The following LDLRAP1 variants were observed in gnomAD, a reference collection of about 807,000 sequenced individuals.
The protein encoded by LDLRAP1 is low density lipoprotein receptor adapter protein 1.
In LDLRAP1, 30 loss-of-function variants were observed where a neutral mutation model predicts 37.8. That is an observed-to-expected ratio of 0.79 (90% confidence interval 0.59 to 1.08). The LOEUF (loss-of-function observed/expected upper bound fraction) is 1.08. Among genes scored for constraint, LDLRAP1 ranks in the 50% least tolerant of loss-of-function variants. The pLI is 0.00. For synonymous variants in LDLRAP1, 156 were observed against 169.8 expected, an observed-to-expected ratio of 0.92 and a Z score of 0.63; for missense variants, 375 against 401.6, an observed-to-expected ratio of 0.93 and a Z score of 0.57.
the LDLRAP1 span, among the ~76,000 whole-genome samples, chr1:25,584,426 A>G: frequency 9.3e-5 from 14 of 150,254 alleles, no homozygotes; most frequent in African/African-American, 3.4e-4. Flanking sequence ...AGCACCTTCC[A>G]CCCTGCCATT....
At chr1:25,557,505 A>C (rs2044235835) in intron 4 of LDLRAP1, 2 of 580,272 alleles carry the variant, frequency 3.4e-6, no homozygotes. Context: ...CCATGTCCCC[A>C]GTGTGTGTCT....
intron 8 of LDLRAP1, among the ~76,000 whole-genome samples, chr1:25,566,364 T>G (rs1438841965): frequency 6.6e-6 from 1 of 152,262 alleles, no homozygotes; most frequent in East Asian, 1.9e-4. Flanking sequence ...TTCCATTGAC[T>G]GCCTAACATT....
chr1:25,570,343 G>A (rs1410052976), downstream of LDLRAP1, among the ~76,000 whole-genome samples: 2 of 152,360 alleles, frequency 1.3e-5, no homozygotes, highest in Middle Eastern at 3.4e-3. Context: ...AAGCCAGGGA[G>A]AACAAAGTCG....
At chr1:25,579,239 C>T in the LDLRAP1 span, among the ~76,000 whole-genome samples, 1 of 152,214 alleles carries the variant, frequency 6.6e-6, no homozygotes, top group Non-Finnish European at 1.5e-5. Context: ...ATGAGGCCAG[C>T]CCTGAGAACA....
intron 7 of LDLRAP1, 186 bp downstream of exon 7, chr1:25,563,977 A>G (rs2124693757): frequency 1.4e-6 from 1 of 726,026 alleles, no homozygotes; most frequent in Non-Finnish European, 2.3e-6. Flanking sequence ...CTGAGGCTGC[A>G]TCCCCAACAG....
At chr1:25,589,275 GC>G in the LDLRAP1 span, among the ~76,000 whole-genome samples, 1 of 141,088 alleles carries the variant, frequency 7.1e-6, no homozygotes, top group African/African-American at 2.8e-5. Flanking sequence ...CTGCACTCCA[GC>G]CCAGGCAACA....
At chr1:25,574,363 C>G in the LDLRAP1 span, among the ~76,000 whole-genome samples, 70 of 152,322 alleles carry the variant, frequency 4.6e-4, no homozygotes, top group African/African-American at 1.7e-3. Context: ...GACTGAGGCT[C>G]TAGGATACTG....
chr1:25,589,873 C>G, the LDLRAP1 span, among the ~76,000 whole-genome samples: 15 of 152,300 alleles, frequency 9.8e-5, no homozygotes, highest in Admixed American at 3.3e-4. Flanking sequence ...GAGGCCGAGG[C>G]GAGCGGATCA....
At chr1:25,561,869 G>A (rs892414840) in intron 4 of LDLRAP1, among the ~76,000 whole-genome samples, 42 of 152,178 alleles carry the variant, frequency 2.8e-4, no homozygotes, top group Admixed American at 4.6e-4. Context: ...ACAGGCAGGG[G>A]AGCCAGTGAC....
chr1:25,580,077 G>T, the LDLRAP1 span, among the ~76,000 whole-genome samples: 2 of 152,222 alleles, frequency 1.3e-5, no homozygotes, highest in Non-Finnish European at 2.9e-5. Context: ...GAGAACAGCT[G>T]TCGAGGGAGG....
chr1:25,571,920 G>A (rs1485792683), downstream of LDLRAP1, among the ~76,000 whole-genome samples: 2 of 152,226 alleles, frequency 1.3e-5, no homozygotes, highest in Non-Finnish European at 2.9e-5. Flanking sequence ...CTGAGGCACA[G>A]CTGCTCTTGA....
At chr1:25,583,143 T>C in the LDLRAP1 span, among the ~76,000 whole-genome samples, 6 of 151,882 alleles carry the variant, frequency 4.0e-5, no homozygotes, top group East Asian at 1.2e-3. Context: ...TATAATTATC[T>C]TTGCTCCTCT....
At chr1:25,577,145 C>T in the LDLRAP1 span, among the ~76,000 whole-genome samples, 3 of 152,210 alleles carry the variant, frequency 2.0e-5, no homozygotes, top group South Asian at 6.2e-4. Context: ...GTCCTGAACG[C>T]TGCTTTATTG....
the LDLRAP1 span, among the ~76,000 whole-genome samples, chr1:25,575,423 T>TAAAAAAAAAAA: frequency 4.6e-5 from 5 of 108,750 alleles, no homozygotes; most frequent in African/African-American, 1.1e-4. Flanking sequence ...CTGTCTCTAC[T>TAAAAAAAAAAA]AAAAAAAAAA....
At chr1:25,572,995 C>T (rs951221066), downstream of LDLRAP1, among the ~76,000 whole-genome samples, 4 of 151,638 alleles carry the variant, frequency 2.6e-5, no homozygotes, top group Non-Finnish European at 4.4e-5. Flanking sequence ...CCCAGACGGC[C>T]GATTTTTAGC....
chr1:25,589,304 AAAAG>A, the LDLRAP1 span, among the ~76,000 whole-genome samples: 491 of 149,038 alleles, frequency 3.3e-3, 5 homozygotes, highest in African/African-American at 9.8e-3. Flanking sequence ...ACTCCATCTC[AAAAG>A]AAAGAAAGAA....
chr1:25,575,934 A>G, the LDLRAP1 span, among the ~76,000 whole-genome samples: 69 of 152,318 alleles, frequency 4.5e-4, no homozygotes, highest in African/African-American at 1.6e-3. Flanking sequence ...TGACTTCAAA[A>G]GCAGCAGCAT....
chr1:25,554,824 G>A lies in LDLRAP1; in HGVS notation c.232-36G>A, dbSNP rs2044160821. ...GCCATGAGGGTGGGTCTCAAGTGAGGCTGGCAGACTCCTCTGACTCCTGTC... is the reference window on the plus strand; with the variant it reads ...GCCATGAGGGTGGGTCTCAAGTGAGACTGGCAGACTCCTCTGACTCCTGTC... On this transcript the variant is annotated intron_variant, in intron 2 of 8. Coordinates refer to ENST00000374338, the MANE Select transcript of LDLRAP1 (RefSeq NM_015627.3). This position sits in a 1 kb window ranked among gnomAD's most constrained non-coding sequence, Gnocchi z 5.4. The A allele has an allele frequency of 6.5e-7, 1 of 1,550,132 alleles. No individual in the cohort carries two copies. The highest frequency in any genetic ancestry group is 1.4e-5 in the African/African-American group (1 of 73,724).
At chr1:25,560,907 G>A (rs1198011098) in intron 4 of LDLRAP1, among the ~76,000 whole-genome samples, 1 of 152,272 alleles carries the variant, frequency 6.6e-6, no homozygotes, top group Non-Finnish European at 1.5e-5. Context: ...AGGAAGCAGG[G>A]CCCACCCCAC....
Sources: allele counts gnomAD v4.1 joint callset (sites outside exome capture counted in the v4.1 genomes callset), GRCh38; gene constraint gnomAD v4.1.1; non-coding constraint Gnocchi (gnomAD v3.1); transcripts MANE v1.5; gene names NCBI Gene and HGNC (gene_info 2026-07-23, HGNC 2026-07-21).